Variants in PPFIA2 observed in about 807,000 individuals in gnomAD.
The protein encoded by PPFIA2 is PPFI scaffold protein A2.
Under a neutral mutation model 175.5 loss-of-function variants are expected in PPFIA2, and 46 were observed. That is an observed-to-expected ratio of 0.26 (90% CI 0.21 to 0.34). The LOEUF is 0.34. PPFIA2 is among the 10% of genes least tolerant of loss of function. The pLI is 1.00. For synonymous variants in PPFIA2, 568 were observed against 511.4 expected, an observed-to-expected ratio of 1.11 and a Z score of -1.49; for missense variants, 1,179 against 1,506.1, an observed-to-expected ratio of 0.78 and a Z score of 3.60.
At chr12:81,628,365 C>T (rs1384803944) in intron 4 of PPFIA2, among the ~76,000 whole-genome samples, 1 of 144,436 alleles carries the variant, frequency 6.9e-6, no homozygotes, top group Non-Finnish European at 1.5e-5. Context: ...CCACAATCCA[C>T]TTTCTTTTAC....
chr12:81,485,293 A>G (rs1405492064), intron 4 of PPFIA2, among the ~76,000 whole-genome samples: 4 of 151,654 alleles, frequency 2.6e-5, no homozygotes, highest in Non-Finnish European at 5.9e-5. Flanking sequence ...GTTTTTGTAC[A>G]GGTTATGTTT....
chr12:81,665,791 G>A (rs1183573663), intron 4 of PPFIA2, among the ~76,000 whole-genome samples: 1 of 151,990 alleles, frequency 6.6e-6, no homozygotes, highest in Non-Finnish European at 1.5e-5. Context: ...AAGAGCTTCT[G>A]CACAGCAAAA....
At chr12:81,331,609 A>C (rs1383262442) in intron 21 of PPFIA2, among the ~76,000 whole-genome samples, 5 of 152,310 alleles carry the variant, frequency 3.3e-5, no homozygotes, top group Middle Eastern at 6.8e-3. Flanking sequence ...AGCTCTTTAA[A>C]TGTGTATATT....
intron 3 of PPFIA2, among the ~76,000 whole-genome samples, chr12:81,731,199 G>T (rs2153639939): frequency 6.6e-6 from 1 of 151,696 alleles, no homozygotes; most frequent in Middle Eastern, 3.4e-3. Context: ...AAAATGCTTT[G>T]TTCTCTTTCA....
chr12:81,702,591 G>T (rs567029119), intron 3 of PPFIA2, among the ~76,000 whole-genome samples: 1 of 152,226 alleles, frequency 6.6e-6, no homozygotes, highest in South Asian at 2.1e-4. Context: ...GCCACTGAAA[G>T]GATTTTGGCA....
In PPFIA2 at chr12:81,398,160, T is replaced by A. The variant is rs183405294; in HGVS notation, c.762+7627A>T. 3.9e-5 allele frequency among the ~76,000 whole-genome samples: 6 copies of A among 152,084 alleles called. No homozygotes were observed. The South Asian group carries it at 1.2e-3, about 32-fold the overall frequency. On this transcript the variant is annotated intron_variant, in intron 8 of 32. Coordinates refer to ENST00000549396, the MANE Select transcript of PPFIA2 (RefSeq NM_003625.5). ...GTGGAAAAATTGTCTTCCACAAAAC[T>A]GGTTCCTGTTGCCAAAAACTTTGGG...
intron 13 of PPFIA2, chr12:81,367,959 A>G: frequency 2.1e-6 from 1 of 469,296 alleles, no homozygotes; most frequent in South Asian, 1.9e-5. Flanking sequence ...CTAATGGGTA[A>G]ATTAATCAAA....
At chr12:81,553,006 G>T (rs989628957) in intron 4 of PPFIA2, among the ~76,000 whole-genome samples, 13 of 151,722 alleles carry the variant, frequency 8.6e-5, no homozygotes, top group Non-Finnish European at 1.0e-4. Flanking sequence ...TGAGGACACA[G>T]AAATCAAAGA....
chr12:81,591,229 G>T (rs1384855206), intron 4 of PPFIA2, among the ~76,000 whole-genome samples: 2 of 152,258 alleles, frequency 1.3e-5, no homozygotes, highest in African/African-American at 2.4e-5. Flanking sequence ...TGAGAGAGAT[G>T]ATTTAGGATA....
intron 4 of PPFIA2, among the ~76,000 whole-genome samples, chr12:81,543,726 C>A (rs918107705): frequency 1.3e-5 from 2 of 152,046 alleles, no homozygotes; most frequent in African/African-American, 4.8e-5. Flanking sequence ...ACCCGACAAA[C>A]AATTCCTCAG....
chr12:81,728,465 A>G (rs2080394062), intron 3 of PPFIA2, among the ~76,000 whole-genome samples: 1 of 151,350 alleles, frequency 6.6e-6, no homozygotes, highest in Non-Finnish European at 1.5e-5. Context: ...TTTCCACTAC[A>G]GCATAATTTT....
chr12:81,726,135 A>G (rs2080043469), intron 3 of PPFIA2, among the ~76,000 whole-genome samples: 1 of 151,146 alleles, frequency 6.6e-6, no homozygotes, highest in Non-Finnish European at 1.5e-5. Flanking sequence ...CTGATATCCT[A>G]TAACATCTCA....
At chr12:81,690,576 G>A (rs1422731042) in intron 3 of PPFIA2, among the ~76,000 whole-genome samples, 3 of 152,214 alleles carry the variant, frequency 2.0e-5, no homozygotes, top group South Asian at 2.1e-4. Flanking sequence ...ATCTTAAAGT[G>A]CTTGACCTAA....
intron 8 of PPFIA2, among the ~76,000 whole-genome samples, chr12:81,403,617 G>A (rs1596148621): frequency 1.3e-5 from 2 of 152,156 alleles, no homozygotes; most frequent in East Asian, 1.9e-4. Context: ...GATCTCAGGA[G>A]TTGGGCAAGT....
At chr12:81,604,896 C>T (rs917538952) in intron 4 of PPFIA2, among the ~76,000 whole-genome samples, 27 of 151,660 alleles carry the variant, frequency 1.8e-4, no homozygotes, top group African/African-American at 4.3e-4. Flanking sequence ...TAACTTAAAA[C>T]GGAGTAAATT....
chr12:81,483,546 A>C (rs1270901675), intron 4 of PPFIA2, among the ~76,000 whole-genome samples: 2 of 152,114 alleles, frequency 1.3e-5, no homozygotes, highest in African/African-American at 4.8e-5. Context: ...AGTGGGGAAT[A>C]ATTGCTAATA....
intron 4 of PPFIA2, among the ~76,000 whole-genome samples, chr12:81,619,392 G>A (rs2061773319): frequency 2.6e-5 from 4 of 152,206 alleles, no homozygotes; most frequent in South Asian, 2.1e-4. Flanking sequence ...TGTAAGTATC[G>A]TTTTTTCTTC....
At chr12:81,547,786 A>C (rs569889299) in intron 4 of PPFIA2, among the ~76,000 whole-genome samples, 1 of 152,340 alleles carries the variant, frequency 6.6e-6, no homozygotes, top group African/African-American at 2.4e-5. Flanking sequence ...TCTCTAGAGC[A>C]ACCATAACCA....
In PPFIA2 at chr12:81,347,501, G is replaced by A. The variant is rs535671465; in HGVS notation, c.2232+32C>T. On this transcript the variant is annotated intron_variant, in intron 18 of 32. Coordinates refer to ENST00000549396, the MANE Select transcript of PPFIA2 (RefSeq NM_003625.5). ...GCTAAAGCATCATTAATCTTAACAG[G>A]AGGCAAAGGTTCTCTGGACACATCA... 4 of 1,528,992 alleles carry A rather than the reference G, an allele frequency of 2.6e-6. No homozygotes were observed. In the East Asian group the frequency reaches 6.8e-5, roughly 26 times the overall value. The allele number at this position is 1,528,992 out of a possible 1,614,324, so 94.7% of individuals were successfully genotyped here.
Sources: allele counts gnomAD v4.1 joint callset (sites outside exome capture counted in the v4.1 genomes callset), GRCh38; gene constraint gnomAD v4.1.1; transcripts MANE v1.5; gene names NCBI Gene and HGNC (gene_info 2026-07-23, HGNC 2026-07-21).